The following PLEKHA6 variants were observed in gnomAD, a reference collection of about 807,000 sequenced individuals.
PLEKHA6 encodes pleckstrin homology domain containing A6, also known as pleckstrin homology domain-containing family A member 6.
PLEKHA6 carries 60 observed loss-of-function variants against 116.7 expected under a neutral mutation model. The ratio of observed to expected loss-of-function variants is 0.51; its 90% confidence interval spans 0.42 to 0.64. The LOEUF (loss-of-function observed/expected upper bound fraction) is 0.64, where lower values mean the gene tolerates loss of function less well. Ranked by LOEUF, PLEKHA6 falls within the 30% of genes least tolerant of loss-of-function variation. The pLI, the probability that PLEKHA6 is intolerant of heterozygous loss-of-function variation, is 0.00. For synonymous variants in PLEKHA6, 489 were observed against 556.1 expected (o/e 0.88, Z 1.70); for missense variants, 1,338 against 1,422.7 (o/e 0.94, Z 0.96).
At chr1:204,357,702 G>A (rs1262893953) in intron 1 of PLEKHA6, among the ~76,000 whole-genome samples, 12 of 152,238 alleles carry the variant, frequency 7.9e-5, no homozygotes, top group Admixed American at 7.2e-4. Flanking sequence ...GGAAGACGAT[G>A]AGGAAATTGG....
intron 1 of PLEKHA6, among the ~76,000 whole-genome samples, chr1:204,281,391 GGC>G (rs1321327516): frequency 5.3e-5 from 8 of 151,874 alleles, no homozygotes; most frequent in Non-Finnish European, 1.2e-4. Context: ...CGGGCCTGGT[GGC>G]GGGCACCTGT....
intron 1 of PLEKHA6, among the ~76,000 whole-genome samples, chr1:204,374,913 A>T (rs2942148): frequency 0.15 from 22,219 of 152,114 alleles, 2,547 homozygotes; most frequent in East Asian, 0.55. Context: ...AGACGTCATT[A>T]GAGGCCTCCC....
intron 21 of PLEKHA6, 130 bp downstream of exon 21, chr1:204,227,953 C>A: frequency 1.0e-6 from 1 of 963,580 alleles, no homozygotes; most frequent in Admixed American, 2.7e-5. Flanking sequence ...CTCGTCTCAA[C>A]CTCGAGGAGC....
At chr1:204,280,409 C>T (rs1010177796) in intron 1 of PLEKHA6, 60 of 985,236 alleles carry the variant, frequency 6.1e-5, no homozygotes, top group Non-Finnish European at 7.0e-5. Flanking sequence ...CAATATTGAA[C>T]GACTGGAGAA....
chr1:204,273,479 C>T lies in PLEKHA6; in HGVS notation c.102+147G>A, dbSNP rs143928256. The T allele has an allele frequency of 3.1e-5, 20 of 636,108 alleles. No homozygotes were observed. The East Asian group carries it at 5.4e-4, about 17-fold the overall frequency. The allele number at this position is 636,108 out of a possible 1,614,324, so 39.4% of individuals were successfully genotyped here. ...TGAGCCCTCTTCCCTTCCTACTCTC[C>T]ACTCTCTTCCTGGGTCACCTTGCCT... On this transcript the variant is annotated intron_variant, in intron 3 of 22. Coordinates refer to ENST00000272203, the MANE Select transcript of PLEKHA6 (RefSeq NM_014935.5).
intron 21 of PLEKHA6, among the ~76,000 whole-genome samples, chr1:204,225,615 C>T (rs1168993999): frequency 3.9e-5 from 6 of 152,236 alleles, no homozygotes; most frequent in Admixed American, 3.9e-4. Flanking sequence ...GCCAATCACA[C>T]ATAAATACAT....
chr1:204,350,338 T>C (rs1038037772), intron 1 of PLEKHA6, among the ~76,000 whole-genome samples: 1 of 152,108 alleles, frequency 6.6e-6, no homozygotes, highest in East Asian at 1.9e-4. Flanking sequence ...AAAACAAAAA[T>C]AAAAAAACCT....
chr1:204,345,608 AC>A (rs1673012560), intron 1 of PLEKHA6, among the ~76,000 whole-genome samples: 1 of 152,154 alleles, frequency 6.6e-6, no homozygotes, highest in African/African-American at 2.4e-5. Context: ...GCCCACGTGC[AC>A]TGTGACCTGG....
chr1:204,361,159 G>C (rs1673549591), upstream of PLEKHA6, among the ~76,000 whole-genome samples: 1 of 152,126 alleles, frequency 6.6e-6, no homozygotes, highest in South Asian at 2.1e-4. Context: ...AGGAGCTAGA[G>C]AAAGGGTGTC....
rs1335981125 is a variant in PLEKHA6 at position 204,257,216 on chromosome 1, A to C, written c.1524+137T>G. 4.9e-6 allele frequency: 4 copies of C among 816,776 alleles called. No homozygotes were observed. The highest frequency in any genetic ancestry group is 7.9e-6 in the Non-Finnish European group (4 of 507,470). 50.6% of individuals were successfully genotyped at this position (816,776 alleles called of 1,614,324 possible). The stretch of plus-strand genomic sequence containing the variant: ...CAGGCCAGGGGCTCCGCTGGGCAGC[A>C]CTGCTGGTCCTGCAGACAAACGGCC... On this transcript the variant is annotated intron_variant, in intron 9 of 22. Transcript: ENST00000272203. The surrounding 1 kb of genome is among the most constrained non-coding windows in gnomAD (Gnocchi z 6.5).
intron 9 of PLEKHA6, chr1:204,256,862 T>G: frequency 3.0e-6 from 2 of 660,860 alleles, no homozygotes; most frequent in Non-Finnish European, 5.5e-6. Flanking sequence ...CTGCAGGGAC[T>G]GGCCGCCTGT....
chr1:204,346,686 C>T, intron 1 of PLEKHA6: 1 of 707,644 alleles, frequency 1.4e-6, no homozygotes, highest in Admixed American at 2.0e-5. Context: ...GAAACAGACT[C>T]TTTGTATTCT....
rs1185099667 is a variant in PLEKHA6 at position 204,245,041 on chromosome 1, G to A, written c.2033-38C>T. On this transcript the variant is annotated intron_variant, in intron 14 of 22. Transcript: ENST00000272203. ...AAGGGGATGGGTGAGCAATGGAGGA[G>A]GGGTGCGGCCTGGTGGGTAGATGGG... The A allele has an allele frequency of 2.2e-6, 3 of 1,383,330 alleles. 1 individual carries two copies. In the Admixed American group the frequency reaches 9.7e-5, roughly 45 times the overall value. 85.7% of individuals were successfully genotyped at this position (1,383,330 alleles called of 1,614,324 possible).
At chr1:204,348,998 G>GCAGCTAGCCCCACC (rs1217883158) in intron 1 of PLEKHA6, among the ~76,000 whole-genome samples, 3 of 152,122 alleles carry the variant, frequency 2.0e-5, no homozygotes, top group Non-Finnish European at 4.4e-5. Context: ...TTCAGCCCAC[G>GCAGCTAGCCCCACC]CAGCTAGCCC....
Position 204,257,435 on chromosome 1 carries a change from A to C in PLEKHA6, c.1442T>G (p.Phe481Cys), listed in dbSNP as rs1665472810. The C allele has an allele frequency of 6.4e-7, 1 of 1,567,742 alleles. No homozygotes were observed. The highest frequency in any genetic ancestry group is 1.3e-5 in the African/African-American group (1 of 74,086). ...CTCACTGCGAGGTGGCAGCCGCTCAAAACGGGCACTGGGTGAGCGGACAGG... is the reference window on the plus strand; with the variant it reads ...CTCACTGCGAGGTGGCAGCCGCTCACAACGGGCACTGGGTGAGCGGACAGG... ...YSPVRSPSAR[F>C]ERLPPRSEDI... The change falls in exon 9 of 23, where the codon TTT becomes TGT. Residue 481 changes from phenylalanine (F) to cysteine (C), a missense_variant. Around this residue, in one of 3 missense-constraint regions of PLEKHA6, gnomAD observed 1,136 missense variants for 1,163.6 expected, o/e 0.98. Coordinates refer to ENST00000272203, the MANE Select transcript of PLEKHA6 (RefSeq NM_014935.5). This position sits in a 1 kb window ranked among gnomAD's most constrained non-coding sequence, Gnocchi z 6.5.
At chr1:204,233,589 G>A (rs552907960) in intron 17 of PLEKHA6, among the ~76,000 whole-genome samples, 3 of 152,158 alleles carry the variant, frequency 2.0e-5, no homozygotes, top group South Asian at 4.1e-4. Context: ...ACAGGCATGA[G>A]CCACCGCACC....
At chr1:204,304,232 T>C (rs1449744675) in intron 1 of PLEKHA6, among the ~76,000 whole-genome samples, 1 of 152,112 alleles carries the variant, frequency 6.6e-6, no homozygotes, top group Admixed American at 6.5e-5. Context: ...CAAGTCCTAA[T>C]CCCAAAGCCC....
At position 204,309,225 on chromosome 1, in the gene PLEKHA6, C is replaced by A. The variant is rs534180918; in HGVS notation, c.-94-34416G>T. On this transcript the variant is annotated intron_variant, in intron 1 of 22. Coordinates refer to ENST00000272203, the MANE Select transcript of PLEKHA6 (RefSeq NM_014935.5). The stretch of plus-strand genomic sequence containing the variant: ...TCTCCCCCGCATCTCAACCTCCAGG[C>A]TCCAAGCTTCAGTCCCATGAGCCCA... 229 of 177,648 alleles carry A rather than the reference C, an allele frequency of 1.3e-3. 1 individual carries two copies. The highest frequency in any genetic ancestry group is 5.0e-3 in the African/African-American group (209 of 42,080). 11.0% of individuals were successfully genotyped at this position (177,648 alleles called of 1,614,324 possible).
At chr1:204,325,847 G>A (rs1006783296) in intron 1 of PLEKHA6, 5 of 952,934 alleles carry the variant, frequency 5.2e-6, no homozygotes, top group East Asian at 1.2e-4. Flanking sequence ...GGGCCCAGGC[G>A]AACAAGGGGT....
Sources: allele counts gnomAD v4.1 joint callset (sites outside exome capture counted in the v4.1 genomes callset), GRCh38; gene constraint gnomAD v4.1.1; regional missense constraint gnomAD v4.1.1; non-coding constraint Gnocchi (gnomAD v3.1); transcripts MANE v1.5; gene names NCBI Gene and HGNC (gene_info 2026-07-23, HGNC 2026-07-21).